The following TCF7L1 variants were observed in gnomAD, a reference collection of about 807,000 sequenced individuals.
TCF7L1 encodes transcription factor 7 like 1.
In TCF7L1, 18 loss-of-function variants were observed where a neutral mutation model predicts 63.7. The observed-to-expected ratio is 0.28, with a 90% confidence interval of 0.20 to 0.42. The LOEUF is 0.42. TCF7L1 is among the 10% of genes least tolerant of loss of function. The pLI is 1.00. For synonymous variants in TCF7L1, 355 were observed against 340.9 expected, an observed-to-expected ratio of 1.04 and a Z score of -0.46; for missense variants, 654 against 779.3, an observed-to-expected ratio of 0.84 and a Z score of 1.91.
intron 4 of TCF7L1, among the ~76,000 whole-genome samples, chr2:85,297,932 A>C (rs895439572): frequency 3.3e-5 from 5 of 151,714 alleles, no homozygotes; most frequent in African/African-American, 1.2e-4. Context: ...ATATTTTAAT[A>C]AACTTATTTA....
intron 3 of TCF7L1, among the ~76,000 whole-genome samples, chr2:85,184,264 A>C (rs1010591246): frequency 6.6e-6 from 1 of 152,160 alleles, no homozygotes; most frequent in African/African-American, 2.4e-5. Flanking sequence ...TTGGGTGAGC[A>C]GGAGGAGAGG....
At chr2:85,230,988 TC>T (rs1408150492) in intron 3 of TCF7L1, among the ~76,000 whole-genome samples, 1 of 152,178 alleles carries the variant, frequency 6.6e-6, no homozygotes, top group African/African-American at 2.4e-5. Flanking sequence ...GAAATCTTGG[TC>T]CCCTCAGGAA....
intron 3 of TCF7L1, among the ~76,000 whole-genome samples, chr2:85,280,434 C>T (rs1480031989): frequency 1.3e-5 from 2 of 152,164 alleles, no homozygotes; most frequent in East Asian, 3.8e-4. Flanking sequence ...AGACCCAAAA[C>T]TCTAGCACCA....
At chr2:85,268,825 C>T (rs539256076) in intron 3 of TCF7L1, among the ~76,000 whole-genome samples, 6 of 150,484 alleles carry the variant, frequency 4.0e-5, no homozygotes, top group East Asian at 2.0e-4. Context: ...GGAAGCTAAG[C>T]GAGGAAATGA....
intron 4 of TCF7L1, among the ~76,000 whole-genome samples, chr2:85,293,067 T>C (rs994556686): frequency 1.3e-5 from 2 of 152,202 alleles, no homozygotes; most frequent in African/African-American, 2.4e-5. Context: ...GTCATGTCCT[T>C]CTCATGGCAT....
intron 3 of TCF7L1, among the ~76,000 whole-genome samples, chr2:85,183,753 A>C (rs911929982): frequency 4.6e-5 from 7 of 152,210 alleles, no homozygotes; most frequent in Admixed American, 2.6e-4. Context: ...GTGAGGACTT[A>C]GTGCAGACTG....
chr2:85,196,878 C>T (rs1203585298), intron 3 of TCF7L1, among the ~76,000 whole-genome samples: 1 of 152,206 alleles, frequency 6.6e-6, no homozygotes, highest in Non-Finnish European at 1.5e-5. Flanking sequence ...AACCCCTTCC[C>T]CTGACTGCAG....
At chr2:85,207,123 C>T (rs2104285021) in intron 3 of TCF7L1, among the ~76,000 whole-genome samples, 1 of 152,338 alleles carries the variant, frequency 6.6e-6, no homozygotes, top group East Asian at 1.9e-4. Flanking sequence ...GATTTTAGTA[C>T]TCTTTTATAA....
chr2:85,204,918 A>G (rs1231290515), intron 3 of TCF7L1: 1 of 151,950 alleles, frequency 6.6e-6, no homozygotes, highest in Non-Finnish European at 1.5e-5. Context: ...TACACAGAAA[A>G]CTACCTGGGG....
At chr2:85,137,251 C>T (rs1195768012) in intron 3 of TCF7L1, among the ~76,000 whole-genome samples, 1 of 152,238 alleles carries the variant, frequency 6.6e-6, no homozygotes, top group Admixed American at 6.5e-5. Flanking sequence ...CAGCCTCACC[C>T]ACTGGCATAA....
intron 3 of TCF7L1, among the ~76,000 whole-genome samples, chr2:85,148,986 C>G: frequency 6.6e-6 from 1 of 151,962 alleles, no homozygotes; most frequent in Non-Finnish European, 1.5e-5. Flanking sequence ...ACCATGTTGG[C>G]CAGGCTGGTC....
chr2:85,156,531 A>T (rs1678150233), intron 3 of TCF7L1, among the ~76,000 whole-genome samples: 1 of 152,208 alleles, frequency 6.6e-6, no homozygotes. Flanking sequence ...GCGTTTATGC[A>T]CTAAATGGGA....
rs750311793 is a variant in TCF7L1 at position 85,133,998 on chromosome 2, T to A, written c.250-18T>A. ...CTGCGTCCGCTCACCCGCTCTTGCC[T>A]TTGTGTCTCCTCCGCAGGCGGAGAG... is the stretch of plus-strand genomic sequence containing the variant. On this transcript the variant is annotated intron_variant, in intron 1 of 11. Coordinates refer to ENST00000282111, the MANE Select transcript of TCF7L1 (RefSeq NM_031283.3). This position sits in a 1 kb window ranked among gnomAD's most constrained non-coding sequence, Gnocchi z 4.4. 3.1e-6 allele frequency: 5 copies of A among 1,608,158 alleles called. No homozygotes were observed. The highest frequency in any genetic ancestry group is 4.2e-6 in the Non-Finnish European group (5 of 1,177,836).
intron 3 of TCF7L1, among the ~76,000 whole-genome samples, chr2:85,218,548 G>A (rs112652021): frequency 2.0e-5 from 3 of 151,558 alleles, no homozygotes; most frequent in Non-Finnish European, 2.9e-5. Context: ...GAGCTACCAC[G>A]CCCAGCGTTA....
At chr2:85,277,280 G>A (rs1047093920) in intron 3 of TCF7L1, among the ~76,000 whole-genome samples, 3 of 152,150 alleles carry the variant, frequency 2.0e-5, no homozygotes, top group Admixed American at 6.5e-5. Flanking sequence ...GGGGAGACAC[G>A]GATCGCTTCT....
At chr2:85,175,309 G>A (rs574227234) in intron 3 of TCF7L1, among the ~76,000 whole-genome samples, 1 of 152,328 alleles carries the variant, frequency 6.6e-6, no homozygotes, top group East Asian at 1.9e-4. Context: ...ATGGTTGGCT[G>A]AGCTAGCTGA....
intron 3 of TCF7L1, among the ~76,000 whole-genome samples, chr2:85,170,964 T>C (rs185854796): frequency 6.6e-6 from 1 of 152,270 alleles, no homozygotes; most frequent in East Asian, 1.9e-4. Flanking sequence ...AGGCTGTTGG[T>C]TTTTTAGACT....
At position 85,237,427 on chromosome 2, in the gene TCF7L1, T is replaced by C. The variant is rs1573003988; in HGVS notation, c.442-46068T>C. Among the ~76,000 whole-genome samples, 4 of 152,204 alleles carry C rather than the reference T, an allele frequency of 2.6e-5. No individual in the cohort carries two copies. The South Asian group carries it at 8.3e-4, about 32-fold the overall frequency. ...CCCTCTCAGCCTGTCGCTTGCTGTC[T>C]GGGGCTTCCACAGTGTGGAGCAGCT... On this transcript the variant is annotated intron_variant, in intron 3 of 11. Transcript: ENST00000282111.
At chr2:85,255,607 G>C (rs1680697201) in intron 3 of TCF7L1, among the ~76,000 whole-genome samples, 1 of 152,184 alleles carries the variant, frequency 6.6e-6, no homozygotes, top group South Asian at 2.1e-4. Context: ...GCCTAAACAG[G>C]GTGGGCTGGG....
Sources: allele counts gnomAD v4.1 joint callset (sites outside exome capture counted in the v4.1 genomes callset), GRCh38; gene constraint gnomAD v4.1.1; non-coding constraint Gnocchi (gnomAD v3.1); transcripts MANE v1.5; gene names NCBI Gene and HGNC (gene_info 2026-07-23, HGNC 2026-07-21).